PRIM1: variants seen among roughly 807,000 people sequenced by gnomAD.
PRIM1 encodes DNA primase subunit 1, also known as DNA primase small subunit.
In PRIM1, 38 loss-of-function variants were observed where a neutral mutation model predicts 60.2. That is an observed-to-expected ratio of 0.63 (90% CI 0.49 to 0.83). The LOEUF is 0.83. Ranked by LOEUF, PRIM1 falls within the 40% of genes least tolerant of loss-of-function variation. The pLI, the probability that PRIM1 is intolerant of heterozygous loss-of-function variation, is 0.00. For missense variants in PRIM1, 388 were observed against 506.2 expected, an observed-to-expected ratio of 0.77 and a Z score of 2.24; for synonymous variants, 158 against 160.2, an observed-to-expected ratio of 0.99 and a Z score of 0.10.
At position 56,738,498 on chromosome 12, in the gene PRIM1, A is replaced by G; in HGVS notation, c.1080T>C (p.Ile360=). The G allele has an allele frequency of 6.3e-7, 1 of 1,583,872 alleles. No homozygotes were observed. ...CCTCTTTTTCCTCTTCATTAGTGGA[A>G]ATGGCATCCAATTCACGGCAGATGA... The part of the protein sequence containing the change: ...ISFICRELDA[I]STNEEEKEEN... Residue 360 remains isoleucine (I), a synonymous_variant, in exon 11 of 13, where the codon ATT becomes ATC. Transcript: ENST00000338193.
chr12:56,736,298 TAAAAAAAAA>T (rs756452647), intron 11 of PRIM1, among the ~76,000 whole-genome samples: 4 of 24,316 alleles, frequency 1.6e-4, no homozygotes, highest in Admixed American at 8.0e-4. Flanking sequence ...ACTCTTTCTC[TAAAAAAAAA>T]AAAAAAAAAA....
In PRIM1 at chr12:56,739,337, G is replaced by A; in HGVS notation, c.1009C>T (p.Gln337Ter). 6.3e-7 allele frequency: 1 copy of A among 1,580,916 alleles called. No homozygotes were observed. ...AATGGATCAAACTGGTCCACTTTCTGCAAATCAATAGGCACAGATATGCGA... is the reference window on the plus strand; with the variant it reads ...AATGGATCAAACTGGTCCACTTTCTACAAATCAATAGGCACAGATATGCGA... ...TGRISVPIDL[Q>*]KVDQFDPFTV... Residue 337 changes from glutamine (Q) to a stop codon, truncating the protein, a stop_gained, in exon 10 of 13, where the codon CAG (glutamine) becomes TAG (stop). Coordinates refer to ENST00000338193, the MANE Select transcript of PRIM1 (RefSeq NM_000946.3). LOFTEE classifies it high-confidence loss of function.
intron 6 of PRIM1, 73 bp downstream of exon 6, chr12:56,743,992 T>C: frequency 9.4e-7 from 1 of 1,064,656 alleles, no homozygotes. Flanking sequence ...TGAAAATTGA[T>C]AGCAAGGTAA....
rs1030665437 is a variant in PRIM1, at chr12:56,741,637, G to GA, written c.841-62dup. 3 of 1,578,102 alleles carry GA rather than the reference G, an allele frequency of 1.9e-6. No individual in the cohort carries two copies. In the African/African-American group the frequency reaches 4.1e-5, roughly 22 times the overall value. On this transcript the variant is annotated intron_variant, in intron 8 of 12. Transcript: ENST00000338193. ...AGGAACTGTTGAAGATTTCTTTAAA[G>GA]AAAGTTAAAAAAACGATCTTCAACC...
chr12:56,741,556 T>C lies in PRIM1; in HGVS notation c.861A>G (p.Lys287=). ...TCTCCCACTCCAGCCAGGGTCCATATTTGTCATTTTTGATGTTATTCTAAA... is the reference window on the plus strand; with the variant it reads ...TCTCCCACTCCAGCCAGGGTCCATACTTGTCATTTTTGATGTTATTCTAAA... The part of the protein sequence containing the change: ...SRYQNNIKND[K]YGPWLEWEIM... The change falls in exon 9 of 13, where the codon AAA becomes AAG. Residue 287 remains lysine, a synonymous_variant. Coordinates refer to ENST00000338193, the MANE Select transcript of PRIM1 (RefSeq NM_000946.3). 6.2e-7 allele frequency: 1 copy of C among 1,612,120 alleles called. No individual in the cohort carries two copies. The highest frequency in any genetic ancestry group is 8.5e-7 in the Non-Finnish European group (1 of 1,179,430).
At chr12:56,751,273 AG>A (rs1953954645) in intron 1 of PRIM1, 78 bp from the exon 2 acceptor site, 1 of 1,121,706 alleles carries the variant, frequency 8.9e-7, no homozygotes, top group Non-Finnish European at 1.2e-6. Flanking sequence ...GCCAATGAGA[AG>A]TTTTTTTTTT....
chr12:56,731,581 T>A lies in PRIM1; in HGVS notation c.*134A>T. The A allele has an allele frequency of 1.1e-6, 1 of 928,894 alleles. No homozygotes were observed. Among genetic ancestry groups the A allele is most frequent in the East Asian group, 3.0e-5 (1 of 33,374 alleles). 57.5% of individuals were successfully genotyped at this position (928,894 alleles called of 1,614,324 possible). On this transcript the variant is annotated 3_prime_UTR_variant, in exon 13 of 13. Coordinates refer to ENST00000338193, the MANE Select transcript of PRIM1 (RefSeq NM_000946.3). ...GCCAGGAAATCTTTTCAACATAAAT[T>A]ATTTCTCAAGGAAAATTTACTTTGA... is the stretch of plus-strand genomic sequence containing the variant.
At chr12:56,750,574 A>G (rs1277884404) in intron 2 of PRIM1, among the ~76,000 whole-genome samples, 2 of 151,808 alleles carry the variant, frequency 1.3e-5, no homozygotes, top group East Asian at 3.8e-4. Context: ...AGAGAATGTA[A>G]TTCTCTTTTA....
intron 7 of PRIM1, 142 bp from the exon 8 acceptor site, chr12:56,741,979 G>A (rs898038025): frequency 7.7e-5 from 66 of 858,952 alleles, no homozygotes; most frequent in Middle Eastern, 3.4e-4. Flanking sequence ...TTGACTGGGC[G>A]TGGTGGCTCA....
At chr12:56,739,189 A>G (rs1953854675) in intron 10 of PRIM1, 105 bp downstream of exon 10, 2 of 852,036 alleles carry the variant, frequency 2.3e-6, no homozygotes, top group African/African-American at 1.7e-5. Flanking sequence ...CCATAACCAA[A>G]TATACCATTC....
At chr12:56,745,315 G>A (rs1339133192) in intron 5 of PRIM1, among the ~76,000 whole-genome samples, 2 of 151,898 alleles carry the variant, frequency 1.3e-5, no homozygotes, top group Non-Finnish European at 2.9e-5. Context: ...GGAGGCTGAG[G>A]TAGAAGGGTC....
At chr12:56,731,908 G>T (rs1042538347) in intron 12 of PRIM1, among the ~76,000 whole-genome samples, 174 bp from the exon 13 acceptor site, 3 of 152,210 alleles carry the variant, frequency 2.0e-5, no homozygotes, top group Non-Finnish European at 4.4e-5. Flanking sequence ...GAACAGTGAG[G>T]ATACAAAGGA....
Position 56,732,306 on chromosome 12 carries a change from TG to T in PRIM1, c.1244-573del, listed in dbSNP as rs548623458. On this transcript the variant is annotated intron_variant, in intron 12 of 12. Coordinates refer to ENST00000338193, the MANE Select transcript of PRIM1 (RefSeq NM_000946.3). ...TACTGTACCTGACACTTGATAATCTTGCACTTTTCTTTCCCCTGGCTTCTAT... is the reference window on the plus strand; with the variant it reads ...TACTGTACCTGACACTTGATAATCTTCACTTTTCTTTCCCCTGGCTTCTAT... Among the ~76,000 whole-genome samples, 438 of 152,342 alleles carry T rather than the reference TG, an allele frequency of 2.9e-3. 3 individuals carry two copies. The highest frequency in any genetic ancestry group is 9.8e-3 in the African/African-American group (408 of 41,582).
At chr12:56,745,896 G>A in intron 5 of PRIM1, 149 bp downstream of exon 5, 1 of 767,164 alleles carries the variant, frequency 1.3e-6, no homozygotes, top group Non-Finnish European at 1.9e-6. Context: ...CCAAGATCAT[G>A]CCATTGCAGT....
chr12:56,742,291 C>T (rs1953877966), intron 7 of PRIM1, among the ~76,000 whole-genome samples: 1 of 150,156 alleles, frequency 6.7e-6, no homozygotes, highest in Non-Finnish European at 1.5e-5. Flanking sequence ...TTAAACTCAA[C>T]AGCTGTATCC....
chr12:56,734,075 G>T, intron 12 of PRIM1, 72 bp downstream of exon 12: 2 of 1,032,462 alleles, frequency 1.9e-6, no homozygotes, highest in Non-Finnish European at 2.9e-6. Context: ...AGAAAGACTA[G>T]AACTCAAAAA....
Position 56,751,172 on chromosome 12 carries a change from G to A in PRIM1, c.127C>T (p.Arg43Cys). 6.5e-7 allele frequency: 1 copy of A among 1,548,178 alleles called. No individual in the cohort carries two copies. Among genetic ancestry groups the A allele is most frequent in the Non-Finnish European group, 8.7e-7 (1 of 1,145,560 alleles). Reference protein sequence around the residue: ...GGVIKNYFQHREFSFTLKDDI... With the variant: ...GGVIKNYFQHCEFSFTLKDDI... ...TCTTTCAATGTGAATGAAAATTCAC[G>A]GTGTTGAAAGTAATTCTTTATCACT... The change falls in exon 2 of 13, where the codon CGT becomes TGT. Residue 43 changes from arginine to cysteine, a missense_variant. Physicochemically the swap from Arg to Cys is radical, Grantham distance 180. Transcript: ENST00000338193.
At position 56,739,356 on chromosome 12, in the gene PRIM1, T is replaced by TA. The variant is rs1592332811; in HGVS notation, c.989dup (p.Ser331IlefsTer5). ...CTTTCTGCAAATCAATAGGCACAGA[T>TA]ATGCGACCTGTAAGACACAAAAGTT... On this transcript the variant is annotated frameshift_variant, in exon 10 of 13. Coordinates refer to ENST00000338193, the MANE Select transcript of PRIM1 (RefSeq NM_000946.3). LOFTEE classifies it high-confidence loss of function. The TA allele has an allele frequency of 1.3e-6, 2 of 1,570,464 alleles. No homozygotes were observed. The highest frequency in any genetic ancestry group is 2.7e-5 in the African/African-American group (2 of 74,392).
At chr12:56,745,890 G>T in intron 5 of PRIM1, 155 bp downstream of exon 5, 1 of 730,674 alleles carries the variant, frequency 1.4e-6, no homozygotes. Flanking sequence ...AGTGAGCCAA[G>T]ATCATGCCAT....
Sources: allele counts gnomAD v4.1 joint callset (sites outside exome capture counted in the v4.1 genomes callset), GRCh38; gene constraint gnomAD v4.1.1; transcripts MANE v1.5; gene names NCBI Gene and HGNC (gene_info 2026-07-23, HGNC 2026-07-21).